Variants in CTSB observed in about 807,000 individuals in gnomAD.
The protein encoded by CTSB is cathepsin B, also known as APP secretase.
In CTSB, 57 loss-of-function variants were observed where a neutral mutation model predicts 44.3. That is an observed-to-expected ratio of 1.29 (90% CI 1.04 to 1.60). CTSB has a LOEUF of 1.60. CTSB is among the 40% of genes most tolerant of loss of function. The probability of loss-of-function intolerance (pLI) is 0.00; values close to 1 mark genes in which losing one functional copy is unlikely to be tolerated. For missense variants in CTSB, 768 were observed against 443.0 expected (o/e 1.73, Z -6.59); for synonymous variants, 320 against 168.0 (o/e 1.91, Z -7.00).
At chr8:11,861,086 T>C (rs1374846227) in intron 1 of CTSB, among the ~76,000 whole-genome samples, 3 of 152,184 alleles carry the variant, frequency 2.0e-5, no homozygotes, top group African/African-American at 7.2e-5. Context: ...TGGAACTGTG[T>C]TTAGTAGATT....
At chr8:11,859,547 G>A (rs1031258084) in intron 1 of CTSB, among the ~76,000 whole-genome samples, 2 of 151,968 alleles carry the variant, frequency 1.3e-5, no homozygotes, top group South Asian at 2.1e-4. Flanking sequence ...GATCACCTGA[G>A]GTCAGGAGTT....
At position 11,853,470 on chromosome 8, in the gene CTSB, C is replaced by T. The variant is rs747392391; in HGVS notation, c.-16G>A. 1 of 1,609,644 alleles carries T rather than the reference C, an allele frequency of 6.2e-7. No homozygotes were observed. The highest frequency in any genetic ancestry group is 8.5e-7 in the Non-Finnish European group (1 of 1,178,872). ...GCTGCCACATGTTGGAAGCCGGATC[C>T]TAGATCCACCTGGAGAGGACAGAGG... On this transcript the variant is annotated 5_prime_UTR_variant, in exon 2 of 10. Coordinates refer to ENST00000353047, the MANE Select transcript of CTSB (RefSeq NM_001908.5).
At chr8:11,865,069 A>G (rs1452110165) in intron 1 of CTSB, among the ~76,000 whole-genome samples, 1 of 152,162 alleles carries the variant, frequency 6.6e-6, no homozygotes, top group African/African-American at 2.4e-5. Flanking sequence ...CTGGGACCAG[A>G]CGTAGAGACT....
At chr8:11,851,050 C>G in intron 3 of CTSB, 70 bp from the exon 4 acceptor site, 1 of 1,136,528 alleles carries the variant, frequency 8.8e-7, no homozygotes, top group South Asian at 1.4e-5. Context: ...GCAAAGGCCA[C>G]TTTGGCTGGG....
At position 11,847,724 on chromosome 8, in the gene CTSB, A is replaced by AGATCTTGCTACACTTGGGGG. The variant is rs1248496284; in HGVS notation, c.611_630dup (p.Cys211ProfsTer71). The AGATCTTGCTACACTTGGGGG allele has an allele frequency of 1.3e-6, 2 of 1,596,450 alleles. No homozygotes were observed. The highest frequency in any genetic ancestry group is 1.7e-6 in the Non-Finnish European group (2 of 1,173,590). Reference sequence around the variant, plus strand: ...TAGGTCGGGCTGTAGCCAGGCTCACAGATCTTGCTACACTTGGGGGTATCT... The same window carrying AGATCTTGCTACACTTGGGGG: ...TAGGTCGGGCTGTAGCCAGGCTCACAGATCTTGCTACACTTGGGGGGATCTTGCTACACTTGGGGGTATCT... On this transcript the variant is annotated frameshift_variant, in exon 7 of 10. Transcript: ENST00000353047. LOFTEE classifies it high-confidence loss of function.
In CTSB at chr8:11,847,782, G is replaced by C. The variant is rs766343535; in HGVS notation, c.573C>G (p.Val191=). 1 of 1,599,142 alleles carries C rather than the reference G, an allele frequency of 6.3e-7. No individual in the cohort carries two copies. The highest frequency in any genetic ancestry group is 8.5e-7 in the Non-Finnish European group (1 of 1,175,840). The change falls in exon 7 of 10, where the codon GTC becomes GTG. Residue 191 remains valine (V), a synonymous_variant. Transcript: ENST00000353047. ...CCGTGCATGGGGGCCGGGAGCCGTT[G>C]ACGTGGTGCTCACAGGGAGGGATGG... ...PYSIPPCEHH[V]NGSRPPCTGE...
rs1341364269 is a variant in CTSB, at chr8:11,843,598, C to G, written c.*1527G>C. On this transcript the variant is annotated 3_prime_UTR_variant, in exon 10 of 10. Coordinates refer to ENST00000353047, the MANE Select transcript of CTSB (RefSeq NM_001908.5). The stretch of plus-strand genomic sequence containing the variant: ...TCAAAATACTGTATACAGGCCCTGA[C>G]TCCAGCCCAAACCAAGGCTGGAGGG... The G allele has an allele frequency of 1.3e-5, 2 of 152,274 alleles. No individual in the cohort carries two copies. The highest frequency in any genetic ancestry group is 2.4e-5 in the African/African-American group (1 of 41,460). 9.4% of individuals were successfully genotyped at this position (152,274 alleles called of 1,614,324 possible). A position where few individuals can be genotyped will look rare whatever the true frequency, so the allele number is the denominator to read the frequency against.
In CTSB at chr8:11,847,830, G is replaced by A. The variant is rs1389706705; in HGVS notation, c.533-8C>T. ...TGGAGTACGGTCTGCACCCTGATGG[G>A]ACGCGGGAGAAAGCGGAGTCAACCT... On this transcript the variant is annotated splice_polypyrimidine_tract_variant and splice_region_variant and intron_variant, in intron 6 of 9. Transcript: ENST00000353047. The A allele has an allele frequency of 6.3e-7, 1 of 1,586,764 alleles. No individual in the cohort carries two copies. Among genetic ancestry groups the A allele is most frequent in the African/African-American group, 1.4e-5 (1 of 73,000 alleles).
intron 1 of CTSB, among the ~76,000 whole-genome samples, chr8:11,860,627 AAAAAC>A (rs759399132): frequency 5.3e-5 from 8 of 152,166 alleles, no homozygotes; most frequent in African/African-American, 7.2e-5. Flanking sequence ...TCCGTCTCAA[AAAAAC>A]AAAACAAAAC....
chr8:11,865,473 C>A (rs1243868838), intron 1 of CTSB: 1 of 150,978 alleles, frequency 6.6e-6, no homozygotes, highest in Non-Finnish European at 1.5e-5. Context: ...CCTGTAATCG[C>A]AGCTAGTTGA....
chr8:11,847,355 C>G (rs1439850529), intron 7 of CTSB, among the ~76,000 whole-genome samples, 187 bp from the exon 8 acceptor site: 1 of 152,050 alleles, frequency 6.6e-6, no homozygotes, highest in Non-Finnish European at 1.5e-5. Context: ...GCTGGAAGCT[C>G]AGAAATGGGA....
intron 1 of CTSB, among the ~76,000 whole-genome samples, chr8:11,855,260 T>A (rs1310491810): frequency 6.6e-6 from 1 of 152,128 alleles, no homozygotes; most frequent in Non-Finnish European, 1.5e-5. Context: ...GACCTCGTGA[T>A]CCACCTGACT....
chr8:11,853,665 G>T (rs368056437), intron 1 of CTSB, 186 bp from the exon 2 acceptor site: 1 of 554,260 alleles, frequency 1.8e-6, no homozygotes, highest in African/African-American at 1.9e-5. Context: ...CCATGACCTC[G>T]TGTGGGTCCC....
At chr8:11,864,318 GAAAAAAAAAAAAA>G (rs35885912) in intron 1 of CTSB, 1 of 45,570 alleles carries the variant, frequency 2.2e-5, no homozygotes, top group Non-Finnish European at 3.5e-5. Context: ...CTCTACCAAC[GAAAAAAAAAAAAA>G]AAAAAAAAAA....
At chr8:11,846,679 A>G (rs1035207302) in intron 8 of CTSB, among the ~76,000 whole-genome samples, 5 of 152,248 alleles carry the variant, frequency 3.3e-5, no homozygotes, top group African/African-American at 4.8e-5. Flanking sequence ...GCCTGCCATT[A>G]TAACAGAAAC....
intron 1 of CTSB, chr8:11,867,214 C>G (rs1456400930): frequency 6.6e-6 from 1 of 152,320 alleles, no homozygotes; most frequent in Non-Finnish European, 1.5e-5. Context: ...ACCCACTGCT[C>G]CCCAGAGGCC....
chr8:11,863,710 G>A (rs1486733682), intron 1 of CTSB, among the ~76,000 whole-genome samples: 1 of 152,094 alleles, frequency 6.6e-6, no homozygotes, highest in African/African-American at 2.4e-5. Flanking sequence ...TTGAATTTCT[G>A]GTCATGAAAT....
At chr8:11,853,268 A>C (rs1234542670) in intron 2 of CTSB, 61 bp downstream of exon 2, 3 of 1,589,074 alleles carry the variant, frequency 1.9e-6, no homozygotes, top group African/African-American at 1.3e-5. Context: ...CCATTCCTGG[A>C]GTCAGTGTGC....
At chr8:11,862,170 G>A (rs966579056) in intron 1 of CTSB, among the ~76,000 whole-genome samples, 3 of 147,914 alleles carry the variant, frequency 2.0e-5, no homozygotes, top group African/African-American at 7.5e-5. Context: ...TCACGCCACT[G>A]CACTCCAGCC....
Sources: allele counts gnomAD v4.1 joint callset (sites outside exome capture counted in the v4.1 genomes callset), GRCh38; gene constraint gnomAD v4.1.1; transcripts MANE v1.5; gene names NCBI Gene and HGNC (gene_info 2026-07-23, HGNC 2026-07-21).